Variants in ATRNL1 observed in about 807,000 individuals in gnomAD.
The protein encoded by ATRNL1 is attractin-like protein 1.
In ATRNL1, 95 loss-of-function variants were observed where a neutral mutation model predicts 182.7. The observed-to-expected ratio is 0.52, with a 90% CI of 0.44 to 0.62. The LOEUF (loss-of-function observed/expected upper bound fraction) is 0.62. ATRNL1 is among the 20% of genes least tolerant of loss of function. The pLI, the probability that ATRNL1 is intolerant of heterozygous loss-of-function variation, is 0.00. For missense variants in ATRNL1, 1,471 were observed against 1,679.5 expected (o/e 0.88, Z 2.17); for synonymous variants, 576 against 568.3 (o/e 1.01, Z -0.19).
At chr10:115,392,781 C>T (rs555125651) in intron 19 of ATRNL1, among the ~76,000 whole-genome samples, 9 of 152,316 alleles carry the variant, frequency 5.9e-5, no homozygotes, top group African/African-American at 2.2e-4. Flanking sequence ...CCTGTTCTGG[C>T]AACTTTTACT....
chr10:115,490,439 T>C (rs1018863530), intron 24 of ATRNL1, among the ~76,000 whole-genome samples: 1 of 152,172 alleles, frequency 6.6e-6, no homozygotes, highest in African/African-American at 2.4e-5. Flanking sequence ...CTTTTTTCTC[T>C]AATCTTGTCT....
chr10:115,516,650 C>T (rs574784099), intron 24 of ATRNL1, among the ~76,000 whole-genome samples: 280 of 151,932 alleles, frequency 1.8e-3, no homozygotes, highest in Non-Finnish European at 3.5e-3. Flanking sequence ...ATGTGACTTG[C>T]TTTTTGCTTT....
At chr10:115,165,308 TAATA>T (rs1846987358) in intron 6 of ATRNL1, among the ~76,000 whole-genome samples, 1 of 152,070 alleles carries the variant, frequency 6.6e-6, no homozygotes, top group Non-Finnish European at 1.5e-5. Flanking sequence ...TTAATTCCAG[TAATA>T]AATATCCTAA....
At chr10:115,669,211 A>G (rs1555040663) in intron 26 of ATRNL1, among the ~76,000 whole-genome samples, 1 of 152,124 alleles carries the variant, frequency 6.6e-6, no homozygotes, top group Non-Finnish European at 1.5e-5. Context: ...AACAATGTAT[A>G]TGTCATATCA....
intron 26 of ATRNL1, among the ~76,000 whole-genome samples, chr10:115,608,991 T>C (rs980803563): frequency 5.9e-5 from 9 of 152,000 alleles, no homozygotes; most frequent in Non-Finnish European, 1.0e-4. Context: ...ACTGATTATG[T>C]GTATCTAAAT....
intron 19 of ATRNL1, among the ~76,000 whole-genome samples, chr10:115,343,375 A>G (rs782751487): frequency 6.6e-6 from 1 of 151,952 alleles, no homozygotes; most frequent in African/African-American, 2.4e-5. Context: ...TAAGCTCACT[A>G]ATTTTTTCTT....
intron 8 of ATRNL1, among the ~76,000 whole-genome samples, chr10:115,180,071 T>C (rs1305065648): frequency 6.6e-6 from 1 of 152,048 alleles, no homozygotes; most frequent in Non-Finnish European, 1.5e-5. Context: ...ATCATTGTCT[T>C]ACTAGCAAAA....
intron 26 of ATRNL1, among the ~76,000 whole-genome samples, chr10:115,642,725 C>A (rs1859334285): frequency 6.6e-6 from 1 of 152,222 alleles, no homozygotes; most frequent in East Asian, 1.9e-4. Context: ...GATTACAGGC[C>A]TGAACCACTG....
chr10:115,558,093 G>C (rs1853433778), intron 26 of ATRNL1, among the ~76,000 whole-genome samples: 1 of 151,482 alleles, frequency 6.6e-6, no homozygotes, highest in Non-Finnish European at 1.5e-5. Flanking sequence ...TAAAATACCT[G>C]GAAATAGTTT....
At chr10:115,897,897 G>T (rs964006368) in intron 28 of ATRNL1, among the ~76,000 whole-genome samples, 2 of 151,708 alleles carry the variant, frequency 1.3e-5, no homozygotes, top group Non-Finnish European at 2.9e-5. Flanking sequence ...AAAATTATTA[G>T]CAACATTAAA....
At chr10:115,845,784 C>T (rs1386221414) in intron 27 of ATRNL1, among the ~76,000 whole-genome samples, 1 of 151,832 alleles carries the variant, frequency 6.6e-6, no homozygotes, top group Non-Finnish European at 1.5e-5. Context: ...CAAAGAAAAG[C>T]TTGCCCGTTG....
At chr10:115,860,619 A>G (rs1951293703) in intron 28 of ATRNL1, among the ~76,000 whole-genome samples, 1 of 152,232 alleles carries the variant, frequency 6.6e-6, no homozygotes, top group Admixed American at 6.5e-5. Context: ...TAGGAAGGGC[A>G]CTGAAATGAC....
At position 115,700,217 on chromosome 10, in the gene ATRNL1, C is replaced by CTT. The variant is rs1555051096; in HGVS notation, c.3796-27030_3796-27029insTT. Reference sequence around the variant, plus strand: ...GGATATATACCCAGTAATGGGATTGCTGGGTCAAATTGTAGTTCTGTTTTA... The same window carrying CTT: ...GGATATATACCCAGTAATGGGATTGCTTTGGGTCAAATTGTAGTTCTGTTTTA... On this transcript the variant is annotated intron_variant, in intron 26 of 28. Coordinates refer to ENST00000355044, the MANE Select transcript of ATRNL1 (RefSeq NM_207303.4). 1.3e-3 allele frequency among the ~76,000 whole-genome samples: 199 copies of CTT among 152,254 alleles called. 1 individual carries two copies. Among genetic ancestry groups the CTT allele is most frequent in the African/African-American group, 4.6e-3 (190 of 41,550 alleles).
At chr10:115,180,426 C>A (rs1293649808) in intron 8 of ATRNL1, among the ~76,000 whole-genome samples, 1 of 151,760 alleles carries the variant, frequency 6.6e-6, no homozygotes, top group East Asian at 1.9e-4. Flanking sequence ...CTTTATATTT[C>A]TGTATTTTAT....
chr10:115,524,212 C>T (rs1435487072), intron 25 of ATRNL1, among the ~76,000 whole-genome samples: 1 of 152,176 alleles, frequency 6.6e-6, no homozygotes, highest in Non-Finnish European at 1.5e-5. Flanking sequence ...AAACACCTCC[C>T]ATTAAGCCCC....
chr10:115,315,826 T>C (rs1370795526), intron 18 of ATRNL1, 90 bp downstream of exon 18: 4 of 1,108,614 alleles, frequency 3.6e-6, no homozygotes, highest in African/African-American at 3.2e-5. Flanking sequence ...AATTTAGCTT[T>C]AGGAAAAAAG....
At chr10:115,584,223 G>A (rs1328461986) in intron 26 of ATRNL1, among the ~76,000 whole-genome samples, 1 of 143,866 alleles carries the variant, frequency 7.0e-6, no homozygotes, top group East Asian at 2.2e-4. Flanking sequence ...TTTTTTGGTT[G>A]TGTCTCTGCC....
chr10:115,556,764 TAAC>T, intron 26 of ATRNL1, among the ~76,000 whole-genome samples: 1 of 151,628 alleles, frequency 6.6e-6, no homozygotes, highest in Non-Finnish European at 1.5e-5. Flanking sequence ...TTAATATTAC[TAAC>T]AACAACTCCT....
At chr10:115,457,557 C>T (rs781847222) in intron 21 of ATRNL1, among the ~76,000 whole-genome samples, 1 of 152,064 alleles carries the variant, frequency 6.6e-6, no homozygotes, top group Non-Finnish European at 1.5e-5. Context: ...TTTACTTTCC[C>T]TCTTTTTAAT....
Sources: allele counts gnomAD v4.1 joint callset (sites outside exome capture counted in the v4.1 genomes callset), GRCh38; gene constraint gnomAD v4.1.1; transcripts MANE v1.5; gene names NCBI Gene and HGNC (gene_info 2026-07-23, HGNC 2026-07-21).